The following COL11A1 variants were observed in gnomAD, a reference collection of about 807,000 sequenced individuals.
The protein encoded by COL11A1 is collagen alpha-1(XI) chain.
A neutral mutation model predicts 265.2 loss-of-function variants in COL11A1; 74 were observed. The ratio of observed to expected loss-of-function variants is 0.28; its 90% CI spans 0.23 to 0.34. The LOEUF (loss-of-function observed/expected upper bound fraction) is 0.34. Ranked by LOEUF, COL11A1 falls within the 10% of genes least tolerant of loss-of-function variation. COL11A1 has a pLI of 1.00. For missense variants in COL11A1, 2,165 were observed against 2,263.6 expected, an observed-to-expected ratio of 0.96 and a Z score of 0.88; for synonymous variants, 816 against 727.6, an observed-to-expected ratio of 1.12 and a Z score of -1.96.
intron 63 of COL11A1, among the ~76,000 whole-genome samples, chr1:102,883,939 G>A (rs1171607410): frequency 6.6e-6 from 1 of 152,136 alleles, no homozygotes; most frequent in Non-Finnish European, 1.5e-5. Context: ...ATTTTATTAT[G>A]TGAATAATCA....
chr1:103,069,427 C>T (rs1364481418), intron 4 of COL11A1, among the ~76,000 whole-genome samples: 2 of 151,724 alleles, frequency 1.3e-5, no homozygotes, highest in South Asian at 4.1e-4. Context: ...GGTCATGACC[C>T]ATGTGCAAAT....
chr1:102,974,661 C>A (rs764972024), intron 36 of COL11A1, among the ~76,000 whole-genome samples, 169 bp downstream of exon 36: 1 of 151,984 alleles, frequency 6.6e-6, no homozygotes, highest in African/African-American at 2.4e-5. Context: ...TATTCAGAAA[C>A]GATCTATGAA....
Position 102,878,145 on chromosome 1 carries a change from C to A in COL11A1, c.5295G>T (p.Lys1765Asn). The stretch of plus-strand genomic sequence containing the variant: ...TTGGTGTATTGATTTCAATGACAGT[C>A]TTTTCATAGCCTTTTCTGGACTGTA... ...DGCASRKGYEKTVIEINTPKI... is the reference protein window; with the variant it reads ...DGCASRKGYENTVIEINTPKI... Residue 1765 changes from lysine (K) to asparagine (N), a missense_variant, in exon 67 of 67, where the codon AAG becomes AAT. Lys to Asn is a moderately conservative substitution (Grantham distance 94). Coordinates refer to ENST00000370096, the MANE Select transcript of COL11A1 (RefSeq NM_001854.4). 3 of 1,612,466 alleles carry A rather than the reference C, an allele frequency of 1.9e-6. No homozygotes were observed. The highest frequency in any genetic ancestry group is 2.5e-6 in the Non-Finnish European group (3 of 1,178,942).
chr1:103,018,925 T>C (rs1292969979), intron 9 of COL11A1, 66 bp from the exon 10 acceptor site: 1 of 1,220,810 alleles, frequency 8.2e-7, no homozygotes, highest in Non-Finnish European at 1.2e-6. Flanking sequence ...ATTACATGAA[T>C]ATAAGAGAAC....
intron 4 of COL11A1, among the ~76,000 whole-genome samples, chr1:103,066,799 C>T (rs567810945): frequency 6.6e-6 from 1 of 151,864 alleles, no homozygotes; most frequent in Non-Finnish European, 1.5e-5. Context: ...AACAGGCACA[C>T]TTTAACTATG....
intron 41 of COL11A1, among the ~76,000 whole-genome samples, chr1:102,950,419 C>T (rs1017510776): frequency 1.3e-5 from 2 of 152,102 alleles, no homozygotes; most frequent in African/African-American, 2.4e-5. Flanking sequence ...TTTTCATCTG[C>T]CTTCACTCCT....
intron 30 of COL11A1, among the ~76,000 whole-genome samples, chr1:102,985,818 G>T (rs1487519352): frequency 6.6e-6 from 1 of 152,124 alleles, no homozygotes; most frequent in African/African-American, 2.4e-5. Flanking sequence ...CTGGCCTTGA[G>T]CATTTTAAGG....
intron 4 of COL11A1, among the ~76,000 whole-genome samples, chr1:103,035,589 A>G (rs1412716213): frequency 6.6e-6 from 1 of 152,082 alleles, no homozygotes; most frequent in Non-Finnish European, 1.5e-5. Flanking sequence ...TCTCTCAAAT[A>G]GTGCTTTAAA....
At chr1:103,077,686 A>C (rs1672082097) in intron 3 of COL11A1, among the ~76,000 whole-genome samples, 1 of 152,118 alleles carries the variant, frequency 6.6e-6, no homozygotes. Flanking sequence ...GGATTCAGTG[A>C]TAAAATATTG....
chr1:103,037,584 A>G (rs1041440936), intron 4 of COL11A1, among the ~76,000 whole-genome samples: 43 of 152,270 alleles, frequency 2.8e-4, no homozygotes, highest in African/African-American at 1.0e-3. Flanking sequence ...GGACCTTAAT[A>G]GGATCACAAA....
At chr1:102,912,792 A>T (rs375391324) in intron 53 of COL11A1, among the ~76,000 whole-genome samples, 5 of 152,104 alleles carry the variant, frequency 3.3e-5, no homozygotes, top group African/African-American at 1.2e-4. Flanking sequence ...GTGAGTTCTC[A>T]CGAGATCTGA....
At chr1:103,029,044 A>C (rs1302460299) in intron 5 of COL11A1, among the ~76,000 whole-genome samples, 3 of 152,112 alleles carry the variant, frequency 2.0e-5, no homozygotes, top group African/African-American at 7.2e-5. Context: ...ATCTGTCTAC[A>C]TTATAGATCT....
At position 102,914,353 on chromosome 1, in the gene COL11A1, G is replaced by T. The variant is rs752481470; in HGVS notation, c.3977C>A (p.Ala1326Glu). 3.7e-6 allele frequency: 6 copies of T among 1,603,966 alleles called. No individual in the cohort carries two copies. In the South Asian group the frequency reaches 5.6e-5, roughly 15 times the overall value. The change falls in exon 52 of 67, where the codon GCA becomes GAA. Residue 1326 changes from alanine to glutamate, a missense_variant and splice_region_variant. Ala to Glu is a moderately radical substitution (Grantham distance 107). Transcript: ENST00000370096. ...TCTTGATTTTTCCCTGATACTTACTGCAGGGCCAGGTTCCCCAGGAGGACC... is the reference window on the plus strand; with the variant it reads ...TCTTGATTTTTCCCTGATACTTACTTCAGGGCCAGGTTCCCCAGGAGGACC... Reference protein sequence around the residue: ...DPGPPGEPGPAGQDGVGGDKG... With the variant: ...DPGPPGEPGPEGQDGVGGDKG...
At chr1:103,053,109 T>C (rs1453451578) in intron 4 of COL11A1, among the ~76,000 whole-genome samples, 3 of 152,212 alleles carry the variant, frequency 2.0e-5, no homozygotes, top group African/African-American at 7.2e-5. Flanking sequence ...CGGCAGTAGC[T>C]AATCCAATGA....
intron 1 of COL11A1, among the ~76,000 whole-genome samples, chr1:103,084,594 A>C (rs1021364355): frequency 1.2e-5 from 1 of 84,580 alleles, no homozygotes; most frequent in African/African-American, 3.4e-5. Context: ...TATGCCATTT[A>C]GAAAAAAAAA....
At chr1:102,928,369 C>T (rs1233846821) in intron 46 of COL11A1, among the ~76,000 whole-genome samples, 14 of 150,540 alleles carry the variant, frequency 9.3e-5, no homozygotes, top group Middle Eastern at 3.4e-3. Flanking sequence ...TTTGTTCTTG[C>T]GATAGTTTAC....
chr1:103,094,590 G>A (rs1673591882), intron 1 of COL11A1, among the ~76,000 whole-genome samples: 1 of 151,938 alleles, frequency 6.6e-6, no homozygotes, highest in South Asian at 2.1e-4. Context: ...TCAGCCCCTT[G>A]TCTTCCTCCT....
intron 59 of COL11A1, 104 bp from the exon 60 acceptor site, chr1:102,889,023 A>G (rs188319192): frequency 2.9e-6 from 3 of 1,037,068 alleles, no homozygotes. Flanking sequence ...TGTAAAATTT[A>G]GAGAATGCAA....
intron 56 of COL11A1, 104 bp downstream of exon 56, chr1:102,898,562 G>C: frequency 1.2e-6 from 1 of 830,476 alleles, no homozygotes; most frequent in East Asian, 2.8e-5. Context: ...AATTATCCAC[G>C]TTATAACTTA....
Sources: gnomAD v4.1 joint callset for allele counts (sites outside exome capture counted in the v4.1 genomes callset) on GRCh38, gnomAD v4.1.1 for gene constraint, MANE v1.5 for transcripts, NCBI Gene and HGNC (gene_info 2026-07-23, HGNC 2026-07-21) for gene names.